The following SEC63 variants were observed in gnomAD, a reference collection of about 807,000 sequenced individuals.
The protein encoded by SEC63 is translocation protein SEC63 homolog.
SEC63 carries 56 observed loss-of-function variants against 116.2 expected under a neutral mutation model. The observed-to-expected ratio is 0.48, with a 90% CI of 0.39 to 0.60. The LOEUF (loss-of-function observed/expected upper bound fraction) is 0.60. Ranked by LOEUF, SEC63 falls within the 20% of genes least tolerant of loss-of-function variation. SEC63 has a pLI of 0.00. For missense variants in SEC63, 668 were observed against 900.0 expected, an observed-to-expected ratio of 0.74 and a Z score of 3.30; for synonymous variants, 273 against 294.6, an observed-to-expected ratio of 0.93 and a Z score of 0.75.
At chr6:107,902,464 CTTTA>C (rs1001682512) in intron 12 of SEC63, among the ~76,000 whole-genome samples, 3 of 152,038 alleles carry the variant, frequency 2.0e-5, no homozygotes, top group Non-Finnish European at 2.9e-5. Flanking sequence ...TAAGAACTGT[CTTTA>C]TTTGATTTAT....
At chr6:107,949,735 T>C (rs1160217560) in intron 1 of SEC63, among the ~76,000 whole-genome samples, 1 of 152,142 alleles carries the variant, frequency 6.6e-6, no homozygotes. Context: ...GCTCAAGTGA[T>C]CCTCCTGCTT....
rs1026789193 is a variant in SEC63, at chr6:107,903,721, CAT to C, written c.1055-725_1055-724del. Among the ~76,000 whole-genome samples the C allele has an allele frequency of 2.0e-5, 3 of 152,126 alleles. No individual in the cohort carries two copies. The East Asian group carries it at 5.8e-4, about 29-fold the overall frequency. On this transcript the variant is annotated intron_variant, in intron 11 of 20. Transcript: ENST00000369002. ...TAATTAATTAATAAAAATTACATGA[CAT>C]ATGAATCACTTTTATATCAGTTAAA...
intron 13 of SEC63, among the ~76,000 whole-genome samples, chr6:107,899,482 G>A (rs1005844394): frequency 1.3e-5 from 2 of 152,134 alleles, no homozygotes; most frequent in African/African-American, 4.8e-5. Flanking sequence ...CTGGGAGGCT[G>A]AGGTGGGTGA....
intron 16 of SEC63, chr6:107,883,611 C>T (rs547372): frequency 0.98 from 151,077 of 154,668 alleles, 73,826 homozygotes; most frequent in African/African-American, 0.99. Context: ...ATGGGCAACA[C>T]AGCAAGACCT....
chr6:107,890,657 A>G (rs753491379), intron 16 of SEC63, among the ~76,000 whole-genome samples: 10 of 152,114 alleles, frequency 6.6e-5, no homozygotes, highest in Non-Finnish European at 1.5e-4. Flanking sequence ...CAGTTTCTTC[A>G]CAGCATTGAC....
At chr6:107,908,274 C>G (rs138740934) in intron 8 of SEC63, among the ~76,000 whole-genome samples, 42 of 152,168 alleles carry the variant, frequency 2.8e-4, no homozygotes, top group African/African-American at 9.9e-4. Context: ...AAAGGTAACA[C>G]TCTATCTCCC....
chr6:107,955,828 A>G (rs1358832494), intron 1 of SEC63: 2 of 173,548 alleles, frequency 1.2e-5, no homozygotes, highest in East Asian at 3.5e-4. Context: ...GGCTGCAATG[A>G]GTCAAGATCA....
intron 16 of SEC63, among the ~76,000 whole-genome samples, chr6:107,883,722 A>G (rs1171299379): frequency 1.3e-5 from 2 of 151,508 alleles, no homozygotes. Flanking sequence ...TGGGAGAATC[A>G]TTTGAGCCCA....
intron 4 of SEC63, among the ~76,000 whole-genome samples, chr6:107,914,810 T>A (rs972809290): frequency 2.6e-5 from 4 of 152,192 alleles, no homozygotes; most frequent in Non-Finnish European, 5.9e-5. Context: ...TGTCCCCTTC[T>A]GCCTTTGTGA....
chr6:107,911,493 TA>T, intron 6 of SEC63, 97 bp from the exon 7 acceptor site: 1 of 801,646 alleles, frequency 1.2e-6, no homozygotes, highest in Non-Finnish European at 2.2e-6. Flanking sequence ...GAGCCACTAT[TA>T]AAAGGATTCC....
At chr6:107,930,173 C>CTTTTTCTTT (rs1787766843) in intron 1 of SEC63, 1 of 89,292 alleles carries the variant, frequency 1.1e-5, no homozygotes, top group Non-Finnish European at 2.0e-5. Flanking sequence ...GCAAAGTATT[C>CTTTTTCTTT]TTTTTTTTTT....
intron 16 of SEC63, among the ~76,000 whole-genome samples, chr6:107,893,213 GA>G (rs1322051949): frequency 9.2e-5 from 14 of 151,478 alleles, no homozygotes; most frequent in Non-Finnish European, 1.8e-4. Context: ...AATGCTGAAT[GA>G]AAGGAGCCAT....
intron 1 of SEC63, among the ~76,000 whole-genome samples, chr6:107,948,672 GTCTC>G (rs1466099867): frequency 1.1e-4 from 16 of 152,082 alleles, no homozygotes; most frequent in Non-Finnish European, 1.5e-5. Context: ...AAGCCTCAAG[GTCTC>G]TCTGACTTTC....
At chr6:107,904,435 C>CAAAAGAA (rs1787092632) in intron 11 of SEC63, among the ~76,000 whole-genome samples, 194 bp downstream of exon 11, 5 of 151,288 alleles carry the variant, frequency 3.3e-5, no homozygotes, top group Admixed American at 3.3e-4. Flanking sequence ...CAAAAAAAAC[C>CAAAAGAA]CAGTGAGCTG....
rs149345207 is a variant in SEC63, at chr6:107,895,555, A to T, written c.1441-1658T>A. Among the ~76,000 whole-genome samples the T allele has an allele frequency of 1.3e-4, 20 of 152,128 alleles. No individual in the cohort carries two copies. In the East Asian group the frequency reaches 2.9e-3, roughly 22 times the overall value. ...GAGACCTCCATCTCTCTAAGAAAAA[A>T]ATATATATATGTTTTTCCTACCAGC... On this transcript the variant is annotated intron_variant, in intron 14 of 20. Transcript: ENST00000369002.
At chr6:107,939,079 G>A (rs1262225202) in intron 1 of SEC63, among the ~76,000 whole-genome samples, 1 of 151,588 alleles carries the variant, frequency 6.6e-6, no homozygotes, top group Non-Finnish European at 1.5e-5. Context: ...GCTCAGGGGT[G>A]CAAGTCTAGC....
At chr6:107,894,231 A>C (rs2114428308) in intron 14 of SEC63, among the ~76,000 whole-genome samples, 1 of 152,316 alleles carries the variant, frequency 6.6e-6, no homozygotes, top group African/African-American at 2.4e-5. Context: ...TGTTATGAGA[A>C]TATATACTAT....
intron 18 of SEC63, 37 bp from the exon 19 acceptor site, chr6:107,876,699 TATAA>T (rs762573638): frequency 4.5e-6 from 5 of 1,121,250 alleles, no homozygotes; most frequent in Middle Eastern, 2.9e-4. Flanking sequence ...AGAAGAGGGG[TATAA>T]ATAATCAGAA....
At chr6:107,906,100 C>T (rs1032558739) in intron 10 of SEC63, among the ~76,000 whole-genome samples, 17 of 152,230 alleles carry the variant, frequency 1.1e-4, no homozygotes, top group African/African-American at 3.6e-4. Flanking sequence ...CCCTTTGGTG[C>T]TGTTCTCGAG....
Sources: gnomAD v4.1 joint callset for allele counts (sites outside exome capture counted in the v4.1 genomes callset) on GRCh38, gnomAD v4.1.1 for gene constraint, MANE v1.5 for transcripts, NCBI Gene and HGNC (gene_info 2026-07-23, HGNC 2026-07-21) for gene names.